F13A1: variants seen among roughly 807,000 people sequenced by gnomAD.
F13A1 encodes coagulation factor XIII A chain.
Under a neutral mutation model 80.1 loss-of-function variants are expected in F13A1, and 47 were observed. The observed-to-expected ratio is 0.59, with a 90% CI of 0.46 to 0.75. F13A1 has a LOEUF of 0.75. Ranked by LOEUF, F13A1 falls within the 30% of genes least tolerant of loss-of-function variation. The pLI is 0.00. For missense variants in F13A1, 817 were observed against 930.4 expected, an observed-to-expected ratio of 0.88 and a Z score of 1.59; for synonymous variants, 349 against 344.9, an observed-to-expected ratio of 1.01 and a Z score of -0.13.
At chr6:6,190,500 T>G (rs34734835) in intron 10 of F13A1, among the ~76,000 whole-genome samples, 4,133 of 144,572 alleles carry the variant, frequency 0.029, 190 homozygotes, top group Middle Eastern at 0.057. Context: ...GTGTCAGTGT[T>G]CCCCTGCTGG....
chr6:6,159,112 A>G (rs964941490), intron 13 of F13A1, among the ~76,000 whole-genome samples: 34 of 152,198 alleles, frequency 2.2e-4, no homozygotes, highest in Non-Finnish European at 4.7e-4. Context: ...CGTGTTAGCC[A>G]GGATGGTCTC....
intron 2 of F13A1, among the ~76,000 whole-genome samples, chr6:6,313,886 T>A (rs953028632): frequency 6.6e-6 from 1 of 152,108 alleles, no homozygotes; most frequent in African/African-American, 2.4e-5. Context: ...ATGAGCCCCA[T>A]ACCTCCAGGG....
intron 14 of F13A1, among the ~76,000 whole-genome samples, chr6:6,146,506 C>A (rs550413307): frequency 7.9e-5 from 12 of 152,162 alleles, no homozygotes; most frequent in Non-Finnish European, 1.6e-4. Context: ...ACGAACAAGC[C>A]CACATCAGTG....
chr6:6,153,242 T>C (rs1274117028), intron 13 of F13A1, among the ~76,000 whole-genome samples: 1 of 152,146 alleles, frequency 6.6e-6, no homozygotes, highest in African/African-American at 2.4e-5. Flanking sequence ...GGAGAAAATA[T>C]ATGGAAATGA....
chr6:6,266,639 C>T lies in F13A1; in HGVS notation c.490G>A (p.Val164Ile). 6.2e-7 allele frequency: 1 copy of T among 1,614,236 alleles called. No homozygotes were observed. The highest frequency in any genetic ancestry group is 8.5e-7 in the Non-Finnish European group (1 of 1,180,042). Residue 164 changes from valine (V) to isoleucine (I), a missense_variant, in exon 4 of 15, where the codon GTC (valine) becomes ATC (isoleucine). Transcript: ENST00000264870. ...CGAAGTACGCCATAGGGAGTCCAGA[C>T]AGCAACATACATGCGGAATTTCCCC... ...IVGKFRMYVAVWTPYGVLRTS... is the reference protein window; with the variant it reads ...IVGKFRMYVAIWTPYGVLRTS...
rs1224306182 is a variant in F13A1, at chr6:6,243,143, A to G, written c.798+5169T>C. Among the ~76,000 whole-genome samples the G allele has an allele frequency of 6.6e-6, 1 of 150,396 alleles. No homozygotes were observed. The highest frequency in any genetic ancestry group is 1.5e-5 in the Non-Finnish European group (1 of 67,708). ...ACCACTATCACCACCATCATAAATCACCACCACCACCACATTACGCCATCA... is the reference window on the plus strand; with the variant it reads ...ACCACTATCACCACCATCATAAATCGCCACCACCACCACATTACGCCATCA... On this transcript the variant is annotated intron_variant, in intron 6 of 14. Transcript: ENST00000264870. The surrounding 1 kb of genome is among the most constrained non-coding windows in gnomAD (Gnocchi z 4.2).
intron 13 of F13A1, among the ~76,000 whole-genome samples, chr6:6,161,261 C>T (rs1760567564): frequency 6.6e-6 from 1 of 152,076 alleles, no homozygotes; most frequent in Non-Finnish European, 1.5e-5. Context: ...AGGTGAGGGC[C>T]ACACTCAGGC....
rs376329240 is a variant in F13A1, at chr6:6,224,786, C to T, written c.873G>A (p.Ser291=). Residue 291 remains serine, a synonymous_variant, in exon 7 of 15, where the codon TCG becomes TCA. Coordinates refer to ENST00000264870, the MANE Select transcript of F13A1 (RefSeq NM_000129.4). The stretch of plus-strand genomic sequence containing the variant: ...GAATGTCAACGCTTCCAGTCCAGGC[C>T]GATGGGGGGACGCCATAGGCATAGA... ...DNIYAYGVPP[S]AWTGSVDILL... 2.9e-5 allele frequency: 47 copies of T among 1,614,068 alleles called. No homozygotes were observed. The highest frequency in any genetic ancestry group is 4.5e-5 in the East Asian group (2 of 44,884).
intron 5 of F13A1, 87 bp from the exon 6 acceptor site, chr6:6,248,506 C>T (rs1757585410): frequency 1.0e-6 from 1 of 1,004,576 alleles, no homozygotes; most frequent in African/African-American, 1.6e-5. Flanking sequence ...GAAACCACAA[C>T]CTAATGTTTA....
chr6:6,266,192 T>C lies in F13A1; in HGVS notation c.571+366A>G, dbSNP rs182704402. Among the ~76,000 whole-genome samples, 22 of 152,340 alleles carry C rather than the reference T, an allele frequency of 1.4e-4. 1 individual carries two copies. The East Asian group carries it at 2.3e-3, about 16-fold the overall frequency. ...GCATATGTATTTAGAATAATCTTAC[T>C]ACCCCTTCAAAAAGAGATGTATTGG... On this transcript the variant is annotated intron_variant, in intron 4 of 14. Transcript: ENST00000264870.
intron 4 of F13A1, among the ~76,000 whole-genome samples, chr6:6,253,897 A>G (rs1425516741): frequency 6.6e-6 from 1 of 152,234 alleles, no homozygotes; most frequent in Non-Finnish European, 1.5e-5. Context: ...AAGTGTCAGT[A>G]AGATCTCTTT....
chr6:6,218,271 G>A (rs1380115424), intron 8 of F13A1, among the ~76,000 whole-genome samples: 1 of 152,178 alleles, frequency 6.6e-6, no homozygotes, highest in African/African-American at 2.4e-5. Flanking sequence ...ATCAAGCTGA[G>A]CTCTTCCAAG....
chr6:6,188,886 G>C lies in F13A1; in HGVS notation c.1306-6745C>G, dbSNP rs1403170442. On this transcript the variant is annotated intron_variant, in intron 10 of 14. Coordinates refer to ENST00000264870, the MANE Select transcript of F13A1 (RefSeq NM_000129.4). The stretch of plus-strand genomic sequence containing the variant: ...TCTCTTTGTAGGTCTCTAAGAACTT[G>C]CTTTATGAATCTGGGTGCTCCTGTA... Among the ~76,000 whole-genome samples the C allele has an allele frequency of 5.0e-4, 37 of 74,078 alleles. 16 individuals are homozygous for C. The highest frequency in any genetic ancestry group is 3.5e-3 in the Admixed American group (27 of 7,654). 48.6% of individuals were successfully genotyped at this position (74,078 alleles called of 152,430 possible).
At chr6:6,236,683 T>A (rs970298248) in intron 6 of F13A1, among the ~76,000 whole-genome samples, 31 of 152,302 alleles carry the variant, frequency 2.0e-4, no homozygotes, top group African/African-American at 7.0e-4. Flanking sequence ...CATATTCCGT[T>A]AAATTTCATT....
chr6:6,218,095 A>G (rs1561658610), intron 8 of F13A1, among the ~76,000 whole-genome samples: 1 of 152,152 alleles, frequency 6.6e-6, no homozygotes, highest in Non-Finnish European at 1.5e-5. Context: ...ACCCAGAATC[A>G]TCCTATCAGA....
At chr6:6,183,470 G>A (rs1335060734) in intron 10 of F13A1, among the ~76,000 whole-genome samples, 2 of 152,220 alleles carry the variant, frequency 1.3e-5, no homozygotes, top group Non-Finnish European at 2.9e-5. Flanking sequence ...TAGTAAGCAT[G>A]ATTCTGTGCA....
At chr6:6,170,185 T>C (rs977131044) in intron 12 of F13A1, among the ~76,000 whole-genome samples, 16 of 152,362 alleles carry the variant, frequency 1.1e-4, no homozygotes, top group South Asian at 4.1e-4. Flanking sequence ...CCTCTAGCTG[T>C]TTCCAGTAAT....
At chr6:6,290,713 T>G (rs1273351853) in intron 3 of F13A1, among the ~76,000 whole-genome samples, 9 of 152,232 alleles carry the variant, frequency 5.9e-5, no homozygotes, top group Non-Finnish European at 1.3e-4. Context: ...GATGCCATTA[T>G]TAGTCACTTC....
In F13A1 at chr6:6,227,821, C is replaced by T. The variant is rs1405457631; in HGVS notation, c.799-2961G>A. On this transcript the variant is annotated intron_variant, in intron 6 of 14. Coordinates refer to ENST00000264870, the MANE Select transcript of F13A1 (RefSeq NM_000129.4). The stretch of plus-strand genomic sequence containing the variant: ...GAGTAAGGAAAAAAAGCTCTGTCCT[C>T]TACAGACCTTTTAATTGTTAATGCT... Among the ~76,000 whole-genome samples, 3 of 152,192 alleles carry T rather than the reference C, an allele frequency of 2.0e-5. No homozygotes were observed. The East Asian group carries it at 5.8e-4, about 29-fold the overall frequency.
Sources: gnomAD v4.1 joint callset for allele counts (sites outside exome capture counted in the v4.1 genomes callset) on GRCh38, gnomAD v4.1.1 for gene constraint, Gnocchi (gnomAD v3.1) non-coding constraint, MANE v1.5 for transcripts, NCBI Gene and HGNC (gene_info 2026-07-23, HGNC 2026-07-21) for gene names.